CDK14: variants seen among roughly 807,000 people sequenced by gnomAD.
CDK14 encodes cyclin dependent kinase 14.
Under a neutral mutation model 60.7 loss-of-function variants are expected in CDK14, and 34 were observed. That is an observed-to-expected ratio of 0.56 (90% CI 0.43 to 0.75). CDK14 has a LOEUF of 0.75. Ranked by LOEUF, CDK14 falls within the 30% of genes least tolerant of loss-of-function variation. The pLI, the probability that CDK14 is intolerant of heterozygous loss-of-function variation, is 0.00. For missense variants in CDK14, 482 were observed against 564.1 expected (o/e 0.85, Z 1.47); for synonymous variants, 197 against 203.7 (o/e 0.97, Z 0.28).
intron 14 of CDK14, among the ~76,000 whole-genome samples, chr7:91,189,025 A>C (rs969589409): frequency 6.6e-6 from 1 of 152,174 alleles, no homozygotes; most frequent in Non-Finnish European, 1.5e-5. Flanking sequence ...ATTATTTTCA[A>C]CTTAGCATAT....
chr7:91,085,669 G>A (rs1192907538), intron 12 of CDK14, among the ~76,000 whole-genome samples: 1 of 152,156 alleles, frequency 6.6e-6, no homozygotes, highest in Non-Finnish European at 1.5e-5. Flanking sequence ...GAGCACAGGG[G>A]AGCAAATCCA....
rs532053560 is a variant in CDK14, at chr7:91,208,583, G to A, written c.*1447G>A. On this transcript the variant is annotated 3_prime_UTR_variant, in exon 15 of 15. Coordinates refer to ENST00000380050, the MANE Select transcript of CDK14 (RefSeq NM_001287135.2). ...ACATTTTCCTATTAGTCAGAAAGAA[G>A]GAGAGAATGAGTGAGTGCTTGAAAT... 2 of 152,356 alleles carry A rather than the reference G, an allele frequency of 1.3e-5. No homozygotes were observed. Among genetic ancestry groups the A allele is most frequent in the East Asian group, 1.9e-4 (1 of 5,188 alleles). 9.4% of individuals were successfully genotyped at this position (152,356 alleles called of 1,614,324 possible).
chr7:90,617,800 TTG>T (rs1297370628), intron 2 of CDK14, among the ~76,000 whole-genome samples: 42 of 152,090 alleles, frequency 2.8e-4, no homozygotes, highest in African/African-American at 9.9e-4. Context: ...GGGTAGTAAT[TTG>T]TTTAGTAAAA....
At chr7:90,852,023 C>T (rs1315080588) in intron 5 of CDK14, among the ~76,000 whole-genome samples, 3 of 152,002 alleles carry the variant, frequency 2.0e-5, no homozygotes, top group Admixed American at 6.6e-5. Flanking sequence ...TTTAGCCTCC[C>T]GAGTAGCTGG....
chr7:90,988,395 G>A lies in CDK14; in HGVS notation c.1041+4154G>A, dbSNP rs565686151. On this transcript the variant is annotated intron_variant, in intron 10 of 14. Coordinates refer to ENST00000380050, the MANE Select transcript of CDK14 (RefSeq NM_001287135.2). ...ACATTTTGAATTGGCAGGTAAATAG[G>A]CACCTAATTCTCCAAGCAGTAACTC... is the stretch of plus-strand genomic sequence containing the variant. Among the ~76,000 whole-genome samples, 4 of 152,220 alleles carry A rather than the reference G, an allele frequency of 2.6e-5. No homozygotes were observed. The East Asian group carries it at 7.7e-4, about 29-fold the overall frequency.
At chr7:91,174,396 G>C (rs2115826393) in intron 14 of CDK14, among the ~76,000 whole-genome samples, 1 of 150,108 alleles carries the variant, frequency 6.7e-6, no homozygotes, top group Non-Finnish European at 1.5e-5. Context: ...AAAACGCAGA[G>C]CGCCTCTCCT....
rs555220568 is a variant in CDK14 at position 90,674,050 on chromosome 7, AC to A, written c.124-52516del. On this transcript the variant is annotated intron_variant, in intron 2 of 14. Transcript: ENST00000380050. Reference sequence around the variant, plus strand: ...ACACTATTTGACGTTTGGGAGCTTAACTAAGTTGTCTTGGAGACTCTAGTTC... The same window carrying A: ...ACACTATTTGACGTTTGGGAGCTTAATAAGTTGTCTTGGAGACTCTAGTTC... Among the ~76,000 whole-genome samples the A allele has an allele frequency of 3.2e-3, 481 of 152,354 alleles. 5 individuals are homozygous for A. The highest frequency in any genetic ancestry group is 0.011 in the African/African-American group (463 of 41,584).
intron 8 of CDK14, among the ~76,000 whole-genome samples, chr7:90,919,788 A>G (rs1475519839): frequency 6.6e-6 from 1 of 152,206 alleles, no homozygotes; most frequent in African/African-American, 2.4e-5. Flanking sequence ...ATTAATGAGC[A>G]TTTTAGCTCT....
intron 2 of CDK14, among the ~76,000 whole-genome samples, chr7:90,676,068 C>T (rs1037760007): frequency 6.6e-6 from 1 of 152,196 alleles, no homozygotes; most frequent in Non-Finnish European, 1.5e-5. Flanking sequence ...TGAGCACATA[C>T]TATATGCCTG....
chr7:91,014,810 T>G (rs925965681), intron 10 of CDK14, among the ~76,000 whole-genome samples: 5 of 152,214 alleles, frequency 3.3e-5, no homozygotes, highest in African/African-American at 1.2e-4. Context: ...GGAGCCTGAG[T>G]GTCCACCTGC....
rs2117109438 is a variant in CDK14 at position 90,830,605 on chromosome 7, A to G, written c.545-32570A>G. On this transcript the variant is annotated intron_variant, in intron 5 of 14. Coordinates refer to ENST00000380050, the MANE Select transcript of CDK14 (RefSeq NM_001287135.2). ...GCTAATCTCTGCAGCTGGCTTGAATATCTCCCCAGAAAATGGGTTTTTCTT... is the reference window on the plus strand; with the variant it reads ...GCTAATCTCTGCAGCTGGCTTGAATGTCTCCCCAGAAAATGGGTTTTTCTT... 2.0e-5 allele frequency among the ~76,000 whole-genome samples: 3 copies of G among 152,230 alleles called. 1 individual carries two copies. In the Middle Eastern group the frequency reaches 0.01, roughly 518 times the overall value.
chr7:90,759,516 G>A lies in CDK14; in HGVS notation c.464+11741G>A, dbSNP rs1484253100. 3.3e-5 allele frequency among the ~76,000 whole-genome samples: 5 copies of A among 152,188 alleles called. No individual in the cohort carries two copies. In the East Asian group the frequency reaches 9.6e-4, roughly 29 times the overall value. ...ATGCAAGGGCACCCATGAATACCTG[G>A]TTGTTGAAAATAAGAGCTACTACCT... is the stretch of plus-strand genomic sequence containing the variant. On this transcript the variant is annotated intron_variant, in intron 4 of 14. Coordinates refer to ENST00000380050, the MANE Select transcript of CDK14 (RefSeq NM_001287135.2).
At chr7:90,845,315 A>T (rs1790431095) in intron 5 of CDK14, among the ~76,000 whole-genome samples, 16 of 152,120 alleles carry the variant, frequency 1.1e-4, no homozygotes. Flanking sequence ...TAGATATTAC[A>T]CTATGTAAAT....
chr7:90,869,705 G>C (rs944834022), intron 6 of CDK14, among the ~76,000 whole-genome samples: 16 of 152,310 alleles, frequency 1.1e-4, no homozygotes, highest in Middle Eastern at 3.4e-3. Context: ...GAAATGGTTG[G>C]ATTCTGGATA....
intron 10 of CDK14, among the ~76,000 whole-genome samples, chr7:91,020,464 A>G (rs1263205690): frequency 2.0e-5 from 3 of 152,256 alleles, no homozygotes; most frequent in Non-Finnish European, 4.4e-5. Context: ...CACATATTCC[A>G]GTCAGAGAGA....
At chr7:91,137,522 C>G (rs1177097463) in intron 14 of CDK14, among the ~76,000 whole-genome samples, 1 of 152,004 alleles carries the variant, frequency 6.6e-6, no homozygotes, top group Non-Finnish European at 1.5e-5. Flanking sequence ...TTTAAAGGAC[C>G]GTGCTTGGGA....
chr7:90,709,536 C>T (rs11767691), intron 2 of CDK14: 269,037 of 1,612,180 alleles, frequency 0.17, 23,401 homozygotes, highest in Non-Finnish European at 0.18. Context: ...ATTGCCTTGA[C>T]AGCATATGCA....
intron 11 of CDK14, among the ~76,000 whole-genome samples, chr7:91,075,184 C>T (rs1348958628): frequency 6.6e-6 from 1 of 152,048 alleles, no homozygotes; most frequent in Non-Finnish European, 1.5e-5. Flanking sequence ...TGGAAACACA[C>T]ACAAAAAAGC....
At chr7:90,814,241 G>A (rs1334162479) in intron 5 of CDK14, among the ~76,000 whole-genome samples, 2 of 151,912 alleles carry the variant, frequency 1.3e-5, no homozygotes, top group Admixed American at 1.3e-4. Flanking sequence ...TAAATTAAAA[G>A]AGCTTTGAAA....
Sources: gnomAD v4.1 joint callset for allele counts (sites outside exome capture counted in the v4.1 genomes callset) on GRCh38, gnomAD v4.1.1 for gene constraint, MANE v1.5 for transcripts, NCBI Gene and HGNC (gene_info 2026-07-23, HGNC 2026-07-21) for gene names.